The following LRRC8C variants were observed in gnomAD, a reference collection of about 807,000 sequenced individuals.
LRRC8C encodes the protein volume-regulated anion channel subunit LRRC8C.
A neutral mutation model predicts 55.3 loss-of-function variants in LRRC8C; 20 were observed. That is an observed-to-expected ratio of 0.36 (90% confidence interval 0.25 to 0.53). The LOEUF (loss-of-function observed/expected upper bound fraction) is 0.53, where lower values mean the gene tolerates loss of function less well. Among genes scored for constraint, LRRC8C ranks in the 20% least tolerant of loss-of-function variants. LRRC8C has a pLI of 0.92. For synonymous variants in LRRC8C, 376 were observed against 360.7 expected (o/e 1.04, Z -0.48); for missense variants, 659 against 951.4 (o/e 0.69, Z 4.04).
At position 89,713,945 on chromosome 1, in the gene LRRC8C, A is replaced by G; in HGVS notation, c.1375A>G (p.Ile459Val). ...ACTTGAAATCATTAAGAACGTAATG[A>G]TACCAGCCACCATTGCACAGCTAGA... is the stretch of plus-strand genomic sequence containing the variant. ...LKLEIIKNVM[I>V]PATIAQLDNL... The change falls in exon 3 of 3, where the codon ATA becomes GTA. Residue 459 changes from isoleucine (I) to valine (V), a missense_variant. Physicochemically the swap from Ile to Val is conservative, Grantham distance 29. Around this residue, in one of 5 missense-constraint regions of LRRC8C, gnomAD observed 344 missense variants for 464.6 expected, o/e 0.74. Coordinates refer to ENST00000370454, the MANE Select transcript of LRRC8C (RefSeq NM_032270.5). This position sits in a 1 kb window ranked among gnomAD's most constrained non-coding sequence, Gnocchi z 5.2. 2 of 1,613,920 alleles carry G rather than the reference A, an allele frequency of 1.2e-6. No homozygotes were observed. Among genetic ancestry groups the G allele is most frequent in the Non-Finnish European group, 1.7e-6 (2 of 1,180,012 alleles).
In LRRC8C at chr1:89,712,873, A is replaced by G. The variant is rs757726069; in HGVS notation, c.303A>G (p.Thr101=). 1.2e-6 allele frequency: 2 copies of G among 1,614,204 alleles called. No individual in the cohort carries two copies. Among genetic ancestry groups the G allele is most frequent in the South Asian group, 1.1e-5 (1 of 91,080 alleles). The change falls in exon 3 of 3, where the codon ACA becomes ACG. Residue 101 remains threonine, a synonymous_variant. Transcript: ENST00000370454. The part of the protein sequence containing the change: ...PITVEMKGLK[T]DLDLQQYSFI... ...CTGTGGAAATGAAAGGCCTGAAGAC[A>G]GATTTGGACCTTCAGCAGTACAGCT...
At chr1:89,666,760 C>T (rs375445297) in intron 1 of LRRC8C, among the ~76,000 whole-genome samples, 11 of 152,244 alleles carry the variant, frequency 7.2e-5, no homozygotes, top group East Asian at 1.9e-4. Flanking sequence ...GCTCATTTCT[C>T]ATTTCATTGG....
rs1339087631 is a variant in LRRC8C, at chr1:89,715,053, A to T, written c.*71A>T. 1.9e-6 allele frequency: 2 copies of T among 1,025,844 alleles called. No homozygotes were observed. The highest frequency in any genetic ancestry group is 3.3e-5 in the African/African-American group (2 of 61,160). The allele number at this position is 1,025,844 out of a possible 1,614,324, so 63.5% of individuals were successfully genotyped here. A position where few individuals can be genotyped will look rare whatever the true frequency, so the allele number is the denominator to read the frequency against. ...CAGTATAAATAATTAGGTAGTCTTAATGCCTTTCCTATTTTTTTTTCCTTT... is the reference window on the plus strand; with the variant it reads ...CAGTATAAATAATTAGGTAGTCTTATTGCCTTTCCTATTTTTTTTTCCTTT... On this transcript the variant is annotated 3_prime_UTR_variant, in exon 3 of 3. Coordinates refer to ENST00000370454, the MANE Select transcript of LRRC8C (RefSeq NM_032270.5).
intron 1 of LRRC8C, among the ~76,000 whole-genome samples, chr1:89,648,743 T>C (rs913573040): frequency 6.6e-6 from 1 of 152,208 alleles, no homozygotes; most frequent in South Asian, 2.1e-4. Context: ...CTATTACCCC[T>C]GCTCCCCATC....
intron 1 of LRRC8C, among the ~76,000 whole-genome samples, chr1:89,666,590 T>C (rs1394247150): frequency 6.6e-6 from 1 of 152,124 alleles, no homozygotes; most frequent in African/African-American, 2.4e-5. Flanking sequence ...TCTTTGCCCC[T>C]AAACAGGGTG....
At chr1:89,650,866 C>A (rs1656753826) in intron 1 of LRRC8C, among the ~76,000 whole-genome samples, 1 of 152,164 alleles carries the variant, frequency 6.6e-6, no homozygotes, top group Admixed American at 6.6e-5. Context: ...TTAACTCCAA[C>A]CCCAAGTTCA....
At chr1:89,623,177 CACACAT>C in the LRRC8C span, among the ~76,000 whole-genome samples, 10 of 142,362 alleles carry the variant, frequency 7.0e-5, 1 homozygote, top group African/African-American at 3.1e-4. Flanking sequence ...CACACACACA[CACACAT>C]GCGCACACAC....
chr1:89,645,982 TA>T (rs1656603491), intron 1 of LRRC8C, among the ~76,000 whole-genome samples: 1 of 152,048 alleles, frequency 6.6e-6, no homozygotes, highest in African/African-American at 2.4e-5. Context: ...GATAGATAGA[TA>T]GATATGGTTA....
chr1:89,640,927 T>C (rs1411327026), intron 1 of LRRC8C, among the ~76,000 whole-genome samples: 1 of 152,216 alleles, frequency 6.6e-6, no homozygotes, highest in Non-Finnish European at 1.5e-5. Flanking sequence ...TAATCAAAGA[T>C]AAGCAATTAA....
chr1:89,632,403 G>A (rs1656130982), upstream of LRRC8C, among the ~76,000 whole-genome samples: 1 of 152,194 alleles, frequency 6.6e-6, no homozygotes, highest in Non-Finnish European at 1.5e-5. Flanking sequence ...TATTGCAGGG[G>A]CGGTGCAGTT....
chr1:89,712,658 A>T, intron 2 of LRRC8C, 51 bp from the exon 3 acceptor site: 2 of 1,360,752 alleles, frequency 1.5e-6, no homozygotes, highest in Non-Finnish European at 2.1e-6. Context: ...TAATGACATT[A>T]TGAAAGCTCT....
chr1:89,704,626 G>A (rs1410709508), intron 2 of LRRC8C, among the ~76,000 whole-genome samples: 1 of 152,114 alleles, frequency 6.6e-6, no homozygotes, highest in Admixed American at 6.5e-5. Context: ...GGGAAAGGGA[G>A]GACTCTACCT....
intron 1 of LRRC8C, among the ~76,000 whole-genome samples, chr1:89,678,048 TC>T (rs1454334806): frequency 2.0e-5 from 3 of 152,246 alleles, no homozygotes; most frequent in Non-Finnish European, 4.4e-5. Context: ...TGAAAAGAAC[TC>T]ATAAATTTAA....
chr1:89,685,787 T>C (rs1378714221), intron 1 of LRRC8C, among the ~76,000 whole-genome samples: 1 of 151,386 alleles, frequency 6.6e-6, no homozygotes, highest in East Asian at 2.0e-4. Flanking sequence ...TAGGATAAGT[T>C]TGGGGTTCAC....
intron 2 of LRRC8C, among the ~76,000 whole-genome samples, chr1:89,690,106 T>A (rs2101294449): frequency 6.6e-6 from 1 of 152,228 alleles, no homozygotes. Context: ...TTAGTGATGG[T>A]CATTTTCAGG....
At chr1:89,706,698 A>C (rs1294520113) in intron 2 of LRRC8C, among the ~76,000 whole-genome samples, 2 of 152,140 alleles carry the variant, frequency 1.3e-5, no homozygotes, top group Non-Finnish European at 2.9e-5. Context: ...CCTAGATTCG[A>C]ACAGCATTTT....
chr1:89,673,689 A>G (rs1657479894), intron 1 of LRRC8C, among the ~76,000 whole-genome samples: 1 of 152,218 alleles, frequency 6.6e-6, no homozygotes. Flanking sequence ...TTGAGCACCT[A>G]CTATATGCCA....
In LRRC8C at chr1:89,697,842, G is replaced by GA. The variant is rs990996094; in HGVS notation, c.138+11239dup. Reference sequence around the variant, plus strand: ...AGAAGCTTTCTTCAAAAGAAGAGGGGAAAAAAAACAATGTGGATACAACCA... The same window carrying GA: ...AGAAGCTTTCTTCAAAAGAAGAGGGGAAAAAAAAACAATGTGGATACAACCA... On this transcript the variant is annotated intron_variant, in intron 2 of 2. Transcript: ENST00000370454. Among the ~76,000 whole-genome samples, 4 of 151,330 alleles carry GA rather than the reference G, an allele frequency of 2.6e-5. No homozygotes were observed. The East Asian group carries it at 5.8e-4, about 22-fold the overall frequency.
intron 1 of LRRC8C, among the ~76,000 whole-genome samples, chr1:89,638,440 C>A (rs1300227484): frequency 1.3e-5 from 2 of 150,442 alleles, no homozygotes; most frequent in South Asian, 4.2e-4. Context: ...TTTGTTACCC[C>A]GCCTTCACCT....
Sources: gnomAD v4.1 joint callset for allele counts (sites outside exome capture counted in the v4.1 genomes callset) on GRCh38, gnomAD v4.1.1 for gene constraint, gnomAD v4.1.1 regional missense constraint, Gnocchi (gnomAD v3.1) non-coding constraint, MANE v1.5 for transcripts, NCBI Gene and HGNC (gene_info 2026-07-23, HGNC 2026-07-21) for gene names.